Variants in ARHGAP24 observed in about 807,000 individuals in gnomAD.
The protein encoded by ARHGAP24 is Rho GTPase activating protein 24, also known as rho GTPase-activating protein 24.
ARHGAP24 carries 50 observed loss-of-function variants against 76.4 expected under a neutral mutation model. That is an observed-to-expected ratio of 0.65 (90% CI 0.52 to 0.83). The LOEUF is 0.83. Ranked by LOEUF, ARHGAP24 falls within the 40% of genes least tolerant of loss-of-function variation. ARHGAP24 has a pLI of 0.00. For missense variants in ARHGAP24, 930 were observed against 914.2 expected (o/e 1.02, Z -0.22); for synonymous variants, 345 against 323.3 (o/e 1.07, Z -0.72).
At chr4:85,991,290 G>T (rs971286963) in intron 8 of ARHGAP24, 4 of 152,084 alleles carry the variant, frequency 2.6e-5, no homozygotes, top group African/African-American at 9.7e-5. Flanking sequence ...ATTCACAAAA[G>T]AATTAGGTAG....
At position 85,631,217 on chromosome 4, in the gene ARHGAP24, A is replaced by T. The variant is rs1158532941; in HGVS notation, c.180+60496A>T. 3.3e-5 allele frequency among the ~76,000 whole-genome samples: 5 copies of T among 152,176 alleles called. No individual in the cohort carries two copies. In the East Asian group the frequency reaches 7.7e-4, roughly 23 times the overall value. On this transcript the variant is annotated intron_variant, in intron 2 of 9. Coordinates refer to ENST00000395184, the MANE Select transcript of ARHGAP24 (RefSeq NM_001025616.3). ...TTTTGTATCGAAAGATAAAAAAGAT[A>T]AAAAGGTTTCACTTGAATAGATATC... is the stretch of plus-strand genomic sequence containing the variant.
chr4:85,813,063 T>G (rs1729079704), intron 3 of ARHGAP24, among the ~76,000 whole-genome samples: 1 of 152,206 alleles, frequency 6.6e-6, no homozygotes, highest in Admixed American at 6.5e-5. Context: ...GAGTTTATTT[T>G]CTTTTTCAAG....
chr4:85,924,853 G>C (rs1735929632), intron 4 of ARHGAP24: 4 of 152,088 alleles, frequency 2.6e-5, no homozygotes, highest in Admixed American at 2.0e-4. Context: ...TTAAGGAAAG[G>C]GAAGGTTCCT....
chr4:85,797,738 T>C (rs1728422974), intron 3 of ARHGAP24, among the ~76,000 whole-genome samples: 1 of 152,226 alleles, frequency 6.6e-6, no homozygotes, highest in South Asian at 2.1e-4. Flanking sequence ...TGACTCTAAT[T>C]AGCCTGAATT....
Position 85,942,197 on chromosome 4 carries a change from C to G in ARHGAP24, c.523C>G (p.Arg175Gly). The part of the protein sequence containing the change: ...QRGLKEEGLF[R>G]LPGQANLVKE... ...GGGGCTGAAAGAAGAGGGTCTCTTTCGACTGCCAGGCCAGGCTAATCTTGT... is the reference window on the plus strand; with the variant it reads ...GGGGCTGAAAGAAGAGGGTCTCTTTGGACTGCCAGGCCAGGCTAATCTTGT... The change falls in exon 5 of 10, where the codon CGA (arginine) becomes GGA (glycine). Residue 175 changes from arginine to glycine, a missense_variant. Coordinates refer to ENST00000395184, the MANE Select transcript of ARHGAP24 (RefSeq NM_001025616.3). The G allele has an allele frequency of 6.2e-7, 1 of 1,613,990 alleles. No homozygotes were observed. The highest frequency in any genetic ancestry group is 8.5e-7 in the Non-Finnish European group (1 of 1,180,000).
intron 1 of ARHGAP24, among the ~76,000 whole-genome samples, chr4:85,534,880 AGACACCT>A (rs1400695754): frequency 2.0e-5 from 3 of 151,706 alleles, no homozygotes; most frequent in African/African-American, 7.3e-5. Context: ...CCAACTCAAA[AGACACCT>A]GGCTAAGGTC....
intron 8 of ARHGAP24, among the ~76,000 whole-genome samples, chr4:85,981,848 TCCCTC>T (rs1739687416): frequency 6.6e-6 from 1 of 152,064 alleles, no homozygotes; most frequent in Non-Finnish European, 1.5e-5. Flanking sequence ...CTAGGTGCAA[TCCCTC>T]CCACTTTTAG....
chr4:85,786,192 A>G (rs1468264940), intron 3 of ARHGAP24, among the ~76,000 whole-genome samples: 1 of 151,700 alleles, frequency 6.6e-6, no homozygotes, highest in East Asian at 1.9e-4. Context: ...GAACTTATCA[A>G]TAATCACATA....
At chr4:85,634,094 C>T (rs574021215) in intron 2 of ARHGAP24, among the ~76,000 whole-genome samples, 2 of 151,922 alleles carry the variant, frequency 1.3e-5, no homozygotes, top group Admixed American at 1.3e-4. Flanking sequence ...TCTCATTCAA[C>T]TGAAGGATAA....
chr4:85,721,997 A>G, intron 3 of ARHGAP24, 25 bp downstream of exon 3: 1 of 1,593,444 alleles, frequency 6.3e-7, no homozygotes, highest in Middle Eastern at 1.7e-4. Flanking sequence ...TAGTCTGATT[A>G]AATTATTGTC....
chr4:85,588,350 G>T (rs762453176), intron 2 of ARHGAP24, among the ~76,000 whole-genome samples: 26 of 152,216 alleles, frequency 1.7e-4, no homozygotes, highest in Non-Finnish European at 3.7e-4. Context: ...GAAAATAAAA[G>T]CATGTTTCAT....
At chr4:85,487,742 AAT>A (rs1401272965) in intron 1 of ARHGAP24, among the ~76,000 whole-genome samples, 1 of 95,024 alleles carries the variant, frequency 1.1e-5, no homozygotes, top group African/African-American at 6.2e-5. Flanking sequence ...TATATTATAT[AAT>A]ATATATTTAT....
intron 2 of ARHGAP24, among the ~76,000 whole-genome samples, chr4:85,710,304 C>T (rs1724477831): frequency 6.6e-6 from 1 of 152,126 alleles, no homozygotes; most frequent in South Asian, 2.1e-4. Flanking sequence ...TAGCCATATG[C>T]AGGAGATTGA....
chr4:85,671,031 C>T (rs934606846), intron 2 of ARHGAP24, among the ~76,000 whole-genome samples: 7 of 152,154 alleles, frequency 4.6e-5, no homozygotes, highest in African/African-American at 1.7e-4. Flanking sequence ...CACAACTGAC[C>T]TACGAGATAA....
chr4:85,476,298 A>G (rs1222556491), intron 1 of ARHGAP24, among the ~76,000 whole-genome samples: 3 of 152,112 alleles, frequency 2.0e-5, no homozygotes, highest in East Asian at 3.8e-4. Context: ...AATTCCTTAG[A>G]TAGATTTTCA....
At chr4:85,593,238 C>T (rs540438829) in intron 2 of ARHGAP24, among the ~76,000 whole-genome samples, 12 of 152,162 alleles carry the variant, frequency 7.9e-5, no homozygotes, top group Admixed American at 5.2e-4. Flanking sequence ...AACTGTTTGC[C>T]ATTTGTATGT....
chr4:85,805,337 G>T (rs1312354632), intron 3 of ARHGAP24, among the ~76,000 whole-genome samples: 1 of 152,128 alleles, frequency 6.6e-6, no homozygotes, highest in Non-Finnish European at 1.5e-5. Context: ...GTCAATGTGG[G>T]TGAAAATGAA....
At chr4:85,844,594 T>C (rs1730772478) in intron 3 of ARHGAP24, among the ~76,000 whole-genome samples, 1 of 152,196 alleles carries the variant, frequency 6.6e-6, no homozygotes, top group Non-Finnish European at 1.5e-5. Flanking sequence ...TCGAGATTTG[T>C]ATTTGTATTT....
intron 1 of ARHGAP24, among the ~76,000 whole-genome samples, chr4:85,486,231 G>A (rs1723043923): frequency 6.6e-6 from 1 of 152,050 alleles, no homozygotes; most frequent in Non-Finnish European, 1.5e-5. Flanking sequence ...GTGGTTTTGG[G>A]GGGATATGTG....
Sources: gnomAD v4.1 joint callset for allele counts (sites outside exome capture counted in the v4.1 genomes callset) on GRCh38, gnomAD v4.1.1 for gene constraint, MANE v1.5 for transcripts, NCBI Gene and HGNC (gene_info 2026-07-23, HGNC 2026-07-21) for gene names.